The following PLCZ1 variants were observed in gnomAD, a reference collection of about 807,000 sequenced individuals.
PLCZ1 encodes the protein phospholipase C zeta 1, also known as 1-phosphatidylinositol 4,5-bisphosphate phosphodiesterase zeta-1.
PLCZ1 carries 64 observed loss-of-function variants against 76.8 expected under a neutral mutation model. The ratio of observed to expected loss-of-function variants is 0.83; its 90% CI spans 0.68 to 1.03. The LOEUF (loss-of-function observed/expected upper bound fraction) is 1.03, where lower values mean the gene tolerates loss of function less well. Ranked by LOEUF, PLCZ1 falls within the 50% of genes least tolerant of loss-of-function variation. The pLI is 0.00. For synonymous variants in PLCZ1, 248 were observed against 230.8 expected (o/e 1.07, Z -0.68); for missense variants, 751 against 713.7 (o/e 1.05, Z -0.60).
chr12:18,712,597 C>A, intron 6 of PLCZ1, among the ~76,000 whole-genome samples: 1 of 152,000 alleles, frequency 6.6e-6, no homozygotes, highest in East Asian at 1.9e-4. Context: ...CCTTGTGAAA[C>A]AATACACACA....
intron 12 of PLCZ1, among the ~76,000 whole-genome samples, chr12:18,691,602 T>C (rs11833512): frequency 0.11 from 16,390 of 152,158 alleles, 1,221 homozygotes; most frequent in African/African-American, 0.21. Context: ...TCCCAGAGCA[T>C]AGAAGAGCAA....
chr12:18,681,538 C>T (rs940260739), downstream of PLCZ1, among the ~76,000 whole-genome samples: 1 of 151,988 alleles, frequency 6.6e-6, no homozygotes, highest in Non-Finnish European at 1.5e-5. Context: ...GTTAATAGTT[C>T]TTGTGAGAAA....
Position 18,726,378 on chromosome 12 carries a change from A to C in PLCZ1, c.136-2836T>G, listed in dbSNP as rs567974679. On this transcript the variant is annotated intron_variant, in intron 3 of 14. Transcript: ENST00000266505. ...TTCTTTGCAAAGCATTACAAAAAGCACTTTCCCAAACAATTCATTCAATGT... is the reference window on the plus strand; with the variant it reads ...TTCTTTGCAAAGCATTACAAAAAGCCCTTTCCCAAACAATTCATTCAATGT... Among the ~76,000 whole-genome samples, 4 of 152,280 alleles carry C rather than the reference A, an allele frequency of 2.6e-5. No homozygotes were observed. In the South Asian group the frequency reaches 8.3e-4, roughly 32 times the overall value.
rs184210228 is a variant in PLCZ1 at position 18,700,848 on chromosome 12, A to C, written c.1017+653T>G. On this transcript the variant is annotated intron_variant, in intron 9 of 14. Transcript: ENST00000266505. Reference sequence around the variant, plus strand: ...TCATGCTAATGTATATACATATAACATTATGTATTATTAATATTGAATCTT... The same window carrying C: ...TCATGCTAATGTATATACATATAACCTTATGTATTATTAATATTGAATCTT... Among the ~76,000 whole-genome samples the C allele has an allele frequency of 7.9e-5, 12 of 152,282 alleles. No homozygotes were observed. The East Asian group carries it at 2.1e-3, about 27-fold the overall frequency.
At chr12:18,692,820 C>T (rs1973289) in intron 12 of PLCZ1, 1,525,096 of 1,560,084 alleles carry the variant, frequency 0.98, 745,777 homozygotes, top group East Asian at 1. Flanking sequence ...GGATGACAAG[C>T]TCTAACAACT....
At chr12:18,654,246 G>C in the PLCZ1 span, among the ~76,000 whole-genome samples, 1 of 145,686 alleles carries the variant, frequency 6.9e-6, no homozygotes, top group Admixed American at 6.9e-5. Flanking sequence ...TAATAGAAAA[G>C]AGCAATACAT....
the PLCZ1 span, among the ~76,000 whole-genome samples, chr12:18,669,571 T>C: frequency 4.3e-4 from 66 of 152,196 alleles, no homozygotes; most frequent in African/African-American, 1.5e-3. Context: ...GATTCAGTTG[T>C]TGGTGAGGGC....
the PLCZ1 span, among the ~76,000 whole-genome samples, chr12:18,663,939 A>G: frequency 1.3e-5 from 2 of 152,310 alleles, no homozygotes; most frequent in East Asian, 3.9e-4. Flanking sequence ...TAGGCTATGG[A>G]CTTGAATAGA....
the PLCZ1 span, among the ~76,000 whole-genome samples, chr12:18,675,583 T>TGC: frequency 4.6e-5 from 7 of 152,172 alleles, no homozygotes; most frequent in African/African-American, 1.4e-4. Flanking sequence ...TGTTTGTCAC[T>TGC]GCACTATTCA....
At chr12:18,683,121 A>G (rs1194774536), downstream of PLCZ1, 12 of 879,114 alleles carry the variant, frequency 1.4e-5, no homozygotes, top group Admixed American at 2.3e-5. Flanking sequence ...TGGGCTCAAT[A>G]TTTCTAGTTT....
the PLCZ1 span, among the ~76,000 whole-genome samples, chr12:18,677,811 T>C: frequency 6.6e-6 from 1 of 152,212 alleles, no homozygotes; most frequent in South Asian, 2.1e-4. Context: ...ATCTAAAAAA[T>C]ATAAGCACAA....
chr12:18,709,467 T>C (rs1255534906), intron 6 of PLCZ1, among the ~76,000 whole-genome samples: 1 of 152,190 alleles, frequency 6.6e-6, no homozygotes, highest in Non-Finnish European at 1.5e-5. Context: ...TCCAACTTTG[T>C]TTTCATTTCT....
At position 18,696,233 on chromosome 12, in the gene PLCZ1, A is replaced by G. The variant is rs1475170703; in HGVS notation, c.1208T>C (p.Ile403Thr). The change falls in exon 11 of 15, where the codon ATT becomes ACT. Residue 403 changes from isoleucine (I) to threonine (T), a missense_variant. Physicochemically the swap from Ile to Thr is moderately conservative, Grantham distance 89. Transcript: ENST00000266505. ...TGTTGCTTTGGGATATATTCTGGTA[A>G]TGAACTTCCTGGTGTGAAAAATAAA... ...HEFIFHTRKF[I>T]TRIYPKATRA... 1 of 1,596,702 alleles carries G rather than the reference A, an allele frequency of 6.3e-7. No individual in the cohort carries two copies. The highest frequency in any genetic ancestry group is 8.6e-7 in the Non-Finnish European group (1 of 1,168,204).
At chr12:18,671,740 A>G in the PLCZ1 span, among the ~76,000 whole-genome samples, 1 of 152,190 alleles carries the variant, frequency 6.6e-6, no homozygotes, top group African/African-American at 2.4e-5. Context: ...TTTTTCCAAA[A>G]TGCAAAAAGA....
At chr12:18,656,751 A>T in the PLCZ1 span, among the ~76,000 whole-genome samples, 378 of 50,486 alleles carry the variant, frequency 7.5e-3, 2 homozygotes, top group Non-Finnish European at 0.011. Flanking sequence ...CAGCAACAAC[A>T]ACGACAACAA....
chr12:18,673,262 C>G, the PLCZ1 span, among the ~76,000 whole-genome samples: 5 of 151,908 alleles, frequency 3.3e-5, no homozygotes, highest in African/African-American at 1.2e-4. Flanking sequence ...TCAGCTATCC[C>G]CACTGTAATC....
chr12:18,688,183 T>G lies in PLCZ1; in HGVS notation c.1497A>C (p.Ser499=). 6.2e-7 allele frequency: 1 copy of G among 1,610,982 alleles called. No individual in the cohort carries two copies. The highest frequency in any genetic ancestry group is 8.5e-7 in the Non-Finnish European group (1 of 1,178,708). ...CTAATGAATCACCTTTGTTAGATGA[T>G]GAATGAGTAAGAGGCAACTGGATAC... ...ISGIQLPLTH[S]SSNKGDSLVI... is the part of the protein sequence containing the mutation. The change falls in exon 13 of 15, where the codon TCA becomes TCC. Residue 499 remains serine, a synonymous_variant. Transcript: ENST00000266505.
chr12:18,663,744 A>C, the PLCZ1 span, among the ~76,000 whole-genome samples: 6 of 152,158 alleles, frequency 3.9e-5, no homozygotes, highest in African/African-American at 1.4e-4. Context: ...AAAAGAAAGA[A>C]ATTGAACTTC....
intron 13 of PLCZ1, among the ~76,000 whole-genome samples, chr12:18,686,765 G>A (rs1003073742): frequency 2.4e-4 from 37 of 152,078 alleles, no homozygotes; most frequent in South Asian, 2.1e-3. Context: ...AGAAGAGTTC[G>A]TTGGTCCATA....
Sources: allele counts gnomAD v4.1 joint callset (sites outside exome capture counted in the v4.1 genomes callset), GRCh38; gene constraint gnomAD v4.1.1; transcripts MANE v1.5; gene names NCBI Gene and HGNC (gene_info 2026-07-23, HGNC 2026-07-21).